SETD5: variants seen among roughly 807,000 people sequenced by gnomAD.
SETD5 encodes SET domain containing 5.
A neutral mutation model predicts 153.3 loss-of-function variants in SETD5; 44 were observed. The ratio of observed to expected loss-of-function variants is 0.29; its 90% CI spans 0.23 to 0.37. SETD5 has a LOEUF of 0.37. Among genes scored for constraint, SETD5 ranks in the 10% least tolerant of loss-of-function variants. SETD5 has a pLI of 1.00. For missense variants in SETD5, 1,544 were observed against 1,768.0 expected (o/e 0.87, Z 2.27); for synonymous variants, 716 against 645.2 (o/e 1.11, Z -1.66).
At chr3:9,407,282 C>T (rs960113545) in intron 1 of SETD5, among the ~76,000 whole-genome samples, 2 of 152,040 alleles carry the variant, frequency 1.3e-5, no homozygotes, top group African/African-American at 2.4e-5. Flanking sequence ...GAGCCAAGAT[C>T]GTGCCACTGC....
chr3:9,470,847 C>T lies in SETD5; in HGVS notation c.3113C>T (p.Ser1038Phe), dbSNP rs2045218170. 1.2e-6 allele frequency: 2 copies of T among 1,611,982 alleles called. No individual in the cohort carries two copies. Among genetic ancestry groups the T allele is most frequent in the Non-Finnish European group, 1.7e-6 (2 of 1,179,058 alleles). ...GAACATGGCTTAATGAAAGACCTCT[C>T]TCGTGGATCCTTGTCACCTGGTGGT... ...RYEHGLMKDL[S>F]RGSLSPGGER... Residue 1038 changes from serine (S) to phenylalanine (F), a missense_variant, in exon 19 of 23, where the codon TCT (serine) becomes TTT (phenylalanine). Ser to Phe is a radical substitution (Grantham distance 155, BLOSUM62 -2). Transcript: ENST00000402198.
At position 9,476,167 on chromosome 3, in the gene SETD5, G is replaced by A. The variant is rs756459872; in HGVS notation, c.*76G>A. The A allele has an allele frequency of 5.3e-6, 8 of 1,517,602 alleles. No homozygotes were observed. The Middle Eastern group carries it at 7.0e-4, about 132-fold the overall frequency. 94.0% of individuals were successfully genotyped at this position (1,517,602 alleles called of 1,614,324 possible). Reference sequence around the variant, plus strand: ...TCCAGCTGCCTCTGGAACCTAGGCCGAGCATATTGCTGAGGAACGGGGGGT... The same window carrying A: ...TCCAGCTGCCTCTGGAACCTAGGCCAAGCATATTGCTGAGGAACGGGGGGT... On this transcript the variant is annotated 3_prime_UTR_variant, in exon 23 of 23. Coordinates refer to ENST00000402198, the MANE Select transcript of SETD5 (RefSeq NM_001080517.3).
At chr3:9,413,649 GGTGTGTGTGTGTGTGTGT>G (rs1160123997) in intron 1 of SETD5, among the ~76,000 whole-genome samples, 6 of 140,460 alleles carry the variant, frequency 4.3e-5, no homozygotes, top group Admixed American at 2.1e-4. Flanking sequence ...GGGGAGGCGG[GGTGTGTGTGTGTGTGTGT>G]GTGTGTGTGT....
chr3:9,425,973 T>C (rs1470854300), intron 2 of SETD5: 1 of 152,172 alleles, frequency 6.6e-6, no homozygotes, highest in South Asian at 2.1e-4. Context: ...TTTGGGGCTT[T>C]TCTTTTAATC....
chr3:9,415,371 T>G (rs1195405488), intron 1 of SETD5, among the ~76,000 whole-genome samples: 5 of 152,130 alleles, frequency 3.3e-5, no homozygotes, highest in Non-Finnish European at 7.4e-5. Flanking sequence ...GTTAAATATT[T>G]TTAATGCTTT....
chr3:9,418,394 T>C (rs370854428), intron 1 of SETD5, among the ~76,000 whole-genome samples: 6 of 152,204 alleles, frequency 3.9e-5, no homozygotes, highest in Admixed American at 1.3e-4. Context: ...TTAAAGGTTA[T>C]GTCAAAGGAC....
At chr3:9,448,080 C>G (rs1015055722) in intron 15 of SETD5, 74 bp downstream of exon 15, 4 of 1,445,680 alleles carry the variant, frequency 2.8e-6, no homozygotes, top group South Asian at 1.4e-5. Flanking sequence ...GACCTATAAT[C>G]CCTAGAAGAA....
intron 1 of SETD5, among the ~76,000 whole-genome samples, chr3:9,402,007 A>G (rs2034858397): frequency 6.6e-6 from 1 of 152,242 alleles, no homozygotes; most frequent in African/African-American, 2.4e-5. Flanking sequence ...GATTGGTACC[A>G]TTCCTTACTG....
intron 2 of SETD5, 22 bp from the exon 3 acceptor site, chr3:9,428,801 A>C (rs1019810766): frequency 2.0e-6 from 1 of 490,584 alleles, no homozygotes; most frequent in Non-Finnish European, 3.7e-6. Context: ...ATTTTACTAG[A>C]TATTTTCCTT....
intron 7 of SETD5, chr3:9,436,788 G>T: frequency 7.0e-7 from 1 of 1,430,790 alleles, no homozygotes; most frequent in Non-Finnish European, 9.6e-7. Flanking sequence ...TCTCAGATAG[G>T]TATAACTGTC....
intron 22 of SETD5, 143 bp downstream of exon 22, chr3:9,475,299 G>T: frequency 8.9e-7 from 1 of 1,126,472 alleles, no homozygotes; most frequent in African/African-American, 1.6e-5. Flanking sequence ...CTTGTCCTCA[G>T]GTAATAAATT....
chr3:9,412,412 TTTTTTA>T, intron 1 of SETD5, among the ~76,000 whole-genome samples: 1 of 142,802 alleles, frequency 7.0e-6, no homozygotes. Flanking sequence ...TTTTTTTTTT[TTTTTTA>T]AAGAGACAAG....
chr3:9,435,215 C>T (rs1479159502), intron 6 of SETD5, among the ~76,000 whole-genome samples: 1 of 144,652 alleles, frequency 6.9e-6, no homozygotes, highest in Non-Finnish European at 1.5e-5. Context: ...TGCACTCCAG[C>T]CTGGGCAACA....
intron 1 of SETD5, among the ~76,000 whole-genome samples, chr3:9,413,375 A>G (rs572647412): frequency 6.6e-6 from 1 of 152,334 alleles, no homozygotes; most frequent in Admixed American, 6.5e-5. Flanking sequence ...ATTTTATGAT[A>G]TGGTTGAATT....
At chr3:9,431,313 A>G (rs1370162962) in intron 3 of SETD5, 13 of 985,306 alleles carry the variant, frequency 1.3e-5, no homozygotes, top group Non-Finnish European at 1.6e-5. Context: ...AACACTGTTG[A>G]TGGAGTATAT....
chr3:9,425,575 CT>C (rs767789314), intron 2 of SETD5, among the ~76,000 whole-genome samples: 16,683 of 107,878 alleles, frequency 0.15, 476 homozygotes, highest in Non-Finnish European at 0.21. Context: ...AGAAACTGTA[CT>C]TTTTTTTTTT....
chr3:9,407,129 ACCAG>A (rs1438491499), intron 1 of SETD5, among the ~76,000 whole-genome samples: 3 of 152,172 alleles, frequency 2.0e-5, no homozygotes, highest in Non-Finnish European at 4.4e-5. Flanking sequence ...GGTGTTTGAG[ACCAG>A]CCTGACCAAC....
chr3:9,462,546 C>T (rs924027148), intron 17 of SETD5, among the ~76,000 whole-genome samples: 59 of 148,588 alleles, frequency 4.0e-4, no homozygotes, highest in Non-Finnish European at 6.5e-4. Flanking sequence ...GAGATCGTGC[C>T]GCTGCACTCC....
chr3:9,432,644 C>T (rs1288046835), intron 3 of SETD5, among the ~76,000 whole-genome samples: 7 of 152,074 alleles, frequency 4.6e-5, no homozygotes, highest in Non-Finnish European at 1.0e-4. Context: ...TTCAGTATTC[C>T]CTAAAACCTA....
Sources: allele counts gnomAD v4.1 joint callset (sites outside exome capture counted in the v4.1 genomes callset), GRCh38; gene constraint gnomAD v4.1.1; transcripts MANE v1.5; gene names NCBI Gene and HGNC (gene_info 2026-07-23, HGNC 2026-07-21).